The following ADAMTSL1 variants were observed in gnomAD, a reference collection of about 807,000 sequenced individuals.
The protein encoded by ADAMTSL1 is ADAMTS like 1.
In ADAMTSL1, 126 loss-of-function variants were observed where a neutral mutation model predicts 201.8. That is an observed-to-expected ratio of 0.62 (90% CI 0.54 to 0.72). The LOEUF is 0.72. Ranked by LOEUF, ADAMTSL1 falls within the 30% of genes least tolerant of loss-of-function variation. The probability of loss-of-function intolerance (pLI) is 0.00; values close to 1 mark genes in which losing one functional copy is unlikely to be tolerated. For missense variants in ADAMTSL1, 2,679 were observed against 2,277.8 expected (o/e 1.18, Z -3.59); for synonymous variants, 1,121 against 903.4 (o/e 1.24, Z -4.32).
intron 1 of ADAMTSL1, among the ~76,000 whole-genome samples, chr9:18,480,082 T>G (rs1271064450): frequency 6.6e-6 from 1 of 152,216 alleles, no homozygotes; most frequent in Non-Finnish European, 1.5e-5. Context: ...ATATTTTTCC[T>G]TTTTCAAAAC....
intron 2 of ADAMTSL1, among the ~76,000 whole-genome samples, chr9:18,316,126 C>A (rs775827289): frequency 6.6e-6 from 1 of 151,990 alleles, no homozygotes; most frequent in African/African-American, 2.4e-5. Context: ...AGGGAATGTG[C>A]GAATAGGTGT....
At chr9:18,811,785 G>A (rs1334378067) in intron 20 of ADAMTSL1, among the ~76,000 whole-genome samples, 1 of 152,120 alleles carries the variant, frequency 6.6e-6, no homozygotes, top group Non-Finnish European at 1.5e-5. Context: ...GGAAATAAAA[G>A]GCATAGAGAC....
chr9:18,815,823 A>G (rs1230261876), intron 20 of ADAMTSL1, among the ~76,000 whole-genome samples: 1 of 152,102 alleles, frequency 6.6e-6, no homozygotes, highest in Non-Finnish European at 1.5e-5. Flanking sequence ...AGGCACAGAA[A>G]GACAAACTTT....
intron 2 of ADAMTSL1, among the ~76,000 whole-genome samples, chr9:18,425,388 A>G (rs1207502850): frequency 2.3e-5 from 3 of 127,980 alleles, no homozygotes; most frequent in South Asian, 2.9e-4. Flanking sequence ...TTGCTACTCA[A>G]TAGAGTTCTG....
chr9:18,315,719 C>A (rs1056329881), intron 2 of ADAMTSL1, among the ~76,000 whole-genome samples: 32 of 152,216 alleles, frequency 2.1e-4, no homozygotes, highest in Non-Finnish European at 1.0e-4. Context: ...TCCCTCCACA[C>A]CTCCCGGCAA....
intron 7 of ADAMTSL1, among the ~76,000 whole-genome samples, chr9:18,648,416 T>G (rs892187218): frequency 6.6e-6 from 1 of 151,638 alleles, no homozygotes; most frequent in Non-Finnish European, 1.5e-5. Context: ...ATGTATGACT[T>G]TGATCCTGTC....
At chr9:17,997,006 G>A (rs1413429382) in intron 1 of ADAMTSL1, among the ~76,000 whole-genome samples, 6 of 152,098 alleles carry the variant, frequency 3.9e-5, no homozygotes, top group Non-Finnish European at 8.8e-5. Context: ...AAGAACCTAC[G>A]TAAGCTTTCA....
intron 1 of ADAMTSL1, among the ~76,000 whole-genome samples, chr9:18,068,550 T>C (rs967709303): frequency 1.3e-5 from 2 of 152,000 alleles, no homozygotes; most frequent in Non-Finnish European, 2.9e-5. Context: ...AATGAACAAA[T>C]GCACCTCAAA....
At chr9:18,296,902 C>T (rs1388013077) in intron 2 of ADAMTSL1, among the ~76,000 whole-genome samples, 1 of 152,130 alleles carries the variant, frequency 6.6e-6, no homozygotes, top group Non-Finnish European at 1.5e-5. Flanking sequence ...GACTTTGTAT[C>T]TCAGAGGCTT....
At chr9:18,848,036 A>G (rs894929849) in intron 23 of ADAMTSL1, among the ~76,000 whole-genome samples, 1 of 152,250 alleles carries the variant, frequency 6.6e-6, no homozygotes, top group African/African-American at 2.4e-5. Context: ...CTAGTAAAAC[A>G]GAGGCTTATC....
intron 2 of ADAMTSL1, among the ~76,000 whole-genome samples, chr9:18,526,723 C>A (rs1819079500): frequency 6.6e-6 from 1 of 151,992 alleles, no homozygotes; most frequent in Non-Finnish European, 1.5e-5. Flanking sequence ...ATTTTTTTAA[C>A]TGGCTCATTG....
chr9:18,576,618 A>G (rs1276829000), intron 4 of ADAMTSL1, among the ~76,000 whole-genome samples: 2 of 152,222 alleles, frequency 1.3e-5, no homozygotes, highest in Non-Finnish European at 1.5e-5. Context: ...TTCATAGAAG[A>G]GGAAACTGAG....
chr9:18,378,254 C>G (rs537509659), intron 2 of ADAMTSL1, among the ~76,000 whole-genome samples: 14 of 152,016 alleles, frequency 9.2e-5, no homozygotes, highest in Non-Finnish European at 1.9e-4. Context: ...TGAGGACTAA[C>G]GGAAATAGTG....
intron 2 of ADAMTSL1, among the ~76,000 whole-genome samples, chr9:18,278,496 A>T (rs1365401449): frequency 6.6e-6 from 1 of 152,104 alleles, no homozygotes; most frequent in Non-Finnish European, 1.5e-5. Flanking sequence ...CCTGGGCACC[A>T]ATGTTTCAGC....
intron 13 of ADAMTSL1, among the ~76,000 whole-genome samples, chr9:18,699,028 A>G (rs992396607): frequency 2.6e-5 from 4 of 152,240 alleles, no homozygotes; most frequent in African/African-American, 9.6e-5. Flanking sequence ...TGAAAGAGCC[A>G]GTAGTCTCTG....
chr9:18,846,053 A>T (rs962771691), intron 23 of ADAMTSL1, among the ~76,000 whole-genome samples: 1 of 152,246 alleles, frequency 6.6e-6, no homozygotes, highest in African/African-American at 2.4e-5. Context: ...CAAACAGTGT[A>T]CTGTGAGCCA....
At chr9:18,382,279 G>C (rs1235397837) in intron 2 of ADAMTSL1, among the ~76,000 whole-genome samples, 1 of 152,154 alleles carries the variant, frequency 6.6e-6, no homozygotes, top group African/African-American at 2.4e-5. Flanking sequence ...TGAAGACTAC[G>C]TCTTTCTGTA....
intron 2 of ADAMTSL1, among the ~76,000 whole-genome samples, chr9:18,382,910 A>C (rs1198217239): frequency 6.6e-6 from 1 of 152,204 alleles, no homozygotes; most frequent in East Asian, 1.9e-4. Flanking sequence ...AAGGATGACA[A>C]ATATACAGAG....
chr9:17,977,323 G>A (rs764221889), intron 1 of ADAMTSL1, among the ~76,000 whole-genome samples: 3 of 152,016 alleles, frequency 2.0e-5, no homozygotes, highest in Non-Finnish European at 4.4e-5. Context: ...TGGTATCAGA[G>A]CAATGCTGGC....
Sources: allele counts gnomAD v4.1 joint callset (sites outside exome capture counted in the v4.1 genomes callset), GRCh38; gene constraint gnomAD v4.1.1; transcripts MANE v1.5; gene names NCBI Gene and HGNC (gene_info 2026-07-23, HGNC 2026-07-21).